EHD4: variants seen among roughly 807,000 people sequenced by gnomAD.
The protein encoded by EHD4 is EH domain containing 4, also known as EH domain-containing protein 4.
In EHD4, 37 loss-of-function variants were observed where a neutral mutation model predicts 51.0. The ratio of observed to expected loss-of-function variants is 0.73; its 90% CI spans 0.56 to 0.95. The LOEUF is 0.95. Among genes scored for constraint, EHD4 ranks in the 40% least tolerant of loss-of-function variants. The pLI is 0.00. For missense variants in EHD4, 632 were observed against 733.1 expected, an observed-to-expected ratio of 0.86 and a Z score of 1.59; for synonymous variants, 297 against 317.3, an observed-to-expected ratio of 0.94 and a Z score of 0.68.
At chr15:41,969,906 A>G (rs1267824338) in intron 1 of EHD4, among the ~76,000 whole-genome samples, 1 of 152,200 alleles carries the variant, frequency 6.6e-6, no homozygotes, top group African/African-American at 2.4e-5. Flanking sequence ...CCAGGGAGAT[A>G]AGAATCTATG....
intron 1 of EHD4, among the ~76,000 whole-genome samples, chr15:41,963,988 G>C (rs998420339): frequency 6.6e-6 from 1 of 151,466 alleles, no homozygotes; most frequent in African/African-American, 2.4e-5. Context: ...TTCTAAAAAT[G>C]CAAAAAATTA....
intron 2 of EHD4, among the ~76,000 whole-genome samples, chr15:41,944,722 C>T (rs1267282186): frequency 6.6e-6 from 1 of 152,160 alleles, no homozygotes; most frequent in Non-Finnish European, 1.5e-5. Context: ...ATTCTGAGGC[C>T]ATGCTGCTAA....
intron 3 of EHD4, among the ~76,000 whole-genome samples, chr15:41,923,806 C>T (rs374289774): frequency 2.4e-3 from 368 of 152,294 alleles, no homozygotes; most frequent in East Asian, 4.4e-3. Flanking sequence ...CATCACAGGT[C>T]GAGGAAACAG....
rs1006037670 is a variant in EHD4, at chr15:41,898,152, T to C, written c.*2493A>G. The C allele has an allele frequency of 3.3e-5, 5 of 152,196 alleles. No individual in the cohort carries two copies. The highest frequency in any genetic ancestry group is 1.2e-4 in the African/African-American group (5 of 41,442). The allele number at this position is 152,196 out of a possible 1,614,324, so 9.4% of individuals were successfully genotyped here. ...GTGGCCAAATGATTTCCTTTTTTTTTCCTTTCTCTCCAAGAACATTACCAG... is the reference window on the plus strand; with the variant it reads ...GTGGCCAAATGATTTCCTTTTTTTTCCCTTTCTCTCCAAGAACATTACCAG... On this transcript the variant is annotated 3_prime_UTR_variant, in exon 6 of 6. Coordinates refer to ENST00000220325, the MANE Select transcript of EHD4 (RefSeq NM_139265.4).
intron 1 of EHD4, among the ~76,000 whole-genome samples, chr15:41,964,050 C>A (rs574652375): frequency 1.8e-4 from 26 of 144,154 alleles, no homozygotes; most frequent in African/African-American, 6.0e-4. Flanking sequence ...GAGGCTGAGG[C>A]AGGAGAATGG....
chr15:41,909,709 T>C lies in EHD4; in HGVS notation c.1079A>G (p.Lys360Arg). Residue 360 changes from lysine to arginine, a missense_variant, in exon 5 of 6, where the codon AAG (lysine) becomes AGG (arginine). Physicochemically the swap from Lys to Arg is conservative, Grantham distance 26. Coordinates refer to ENST00000220325, the MANE Select transcript of EHD4 (RefSeq NM_139265.4). ...GTGGGCTCCCAGTACCTGCATAGCCTTGACCTCAGGGAAGTCCCCTGCAGA... is the reference window on the plus strand; with the variant it reads ...GTGGGCTCCCAGTACCTGCATAGCCCTGACCTCAGGGAAGTCCCCTGCAGA... ...QISAGDFPEV[K>R]AMQEQLENYD... 6.2e-7 allele frequency: 1 copy of C among 1,614,210 alleles called. No homozygotes were observed. The highest frequency in any genetic ancestry group is 8.5e-7 in the Non-Finnish European group (1 of 1,180,034).
At chr15:41,902,462 A>C (rs2067483721) in intron 5 of EHD4, among the ~76,000 whole-genome samples, 1 of 152,210 alleles carries the variant, frequency 6.6e-6, no homozygotes, top group Non-Finnish European at 1.5e-5. Flanking sequence ...ATACAGAATA[A>C]ATATGAAAAG....
chr15:41,969,637 G>A (rs984613593), intron 1 of EHD4, among the ~76,000 whole-genome samples: 1 of 152,202 alleles, frequency 6.6e-6, no homozygotes, highest in African/African-American at 2.4e-5. Flanking sequence ...TGGGGCCAGG[G>A]ATTTTCTGGA....
chr15:41,933,406 T>G (rs2067711536), intron 3 of EHD4, among the ~76,000 whole-genome samples: 1 of 152,168 alleles, frequency 6.6e-6, no homozygotes, highest in African/African-American at 2.4e-5. Context: ...ATCATTCAGA[T>G]TCTCGTAAGA....
At chr15:41,971,780 AG>A (rs2067997546) in intron 1 of EHD4, among the ~76,000 whole-genome samples, 1 of 152,186 alleles carries the variant, frequency 6.6e-6, no homozygotes, top group African/African-American at 2.4e-5. Flanking sequence ...CCTCAAGGGA[AG>A]GGGGCCTGGG....
At position 41,972,514 on chromosome 15, in the gene EHD4, C is replaced by G; in HGVS notation, c.-20G>C. ...GAACATCCTGCCGCCAGTCCACGCT[C>G]GGATGGGACCCTGCTCCGGGTTCGA... On this transcript the variant is annotated 5_prime_UTR_variant, in exon 1 of 6. Coordinates refer to ENST00000220325, the MANE Select transcript of EHD4 (RefSeq NM_139265.4). The G allele has an allele frequency of 6.7e-7, 1 of 1,486,852 alleles. No individual in the cohort carries two copies. 92.1% of individuals were successfully genotyped at this position (1,486,852 alleles called of 1,614,324 possible).
At chr15:41,914,515 C>T (rs1173247816) in intron 4 of EHD4, among the ~76,000 whole-genome samples, 4 of 152,106 alleles carry the variant, frequency 2.6e-5, no homozygotes, top group Non-Finnish European at 5.9e-5. Context: ...ACCAATGGCA[C>T]GTGTAATTCC....
rs1001751932 is a variant in EHD4, at chr15:41,898,654, A to G, written c.*1991T>C. ...GGAGATCGAGACCATATTGACCAACATGGTAAAACCCCATCTCTACTAAAA... is the reference window on the plus strand; with the variant it reads ...GGAGATCGAGACCATATTGACCAACGTGGTAAAACCCCATCTCTACTAAAA... On this transcript the variant is annotated 3_prime_UTR_variant, in exon 6 of 6. Coordinates refer to ENST00000220325, the MANE Select transcript of EHD4 (RefSeq NM_139265.4). 3.3e-5 allele frequency: 5 copies of G among 152,148 alleles called. No individual in the cohort carries two copies. Among genetic ancestry groups the G allele is most frequent in the South Asian group, 2.1e-4 (1 of 4,832 alleles). 9.4% of individuals were successfully genotyped at this position (152,148 alleles called of 1,614,324 possible).
At chr15:41,940,355 T>C (rs943789817) in intron 3 of EHD4, among the ~76,000 whole-genome samples, 11 of 152,240 alleles carry the variant, frequency 7.2e-5, no homozygotes, top group African/African-American at 1.4e-4. Flanking sequence ...TGTGGTCTTA[T>C]GAAGCTGGTC....
chr15:41,902,347 C>T (rs746266261), intron 5 of EHD4, among the ~76,000 whole-genome samples: 2 of 152,128 alleles, frequency 1.3e-5, no homozygotes, highest in Non-Finnish European at 2.9e-5. Flanking sequence ...ATTCAACCAA[C>T]CCTCCATCCA....
intron 1 of EHD4, among the ~76,000 whole-genome samples, chr15:41,971,268 G>T (rs946014129): frequency 1.3e-5 from 2 of 152,204 alleles, no homozygotes; most frequent in African/African-American, 4.8e-5. Flanking sequence ...CACATCAAAT[G>T]ATGAAGAGAT....
intron 3 of EHD4, among the ~76,000 whole-genome samples, chr15:41,929,679 C>T (rs1389049595): frequency 6.6e-6 from 1 of 152,202 alleles, no homozygotes; most frequent in East Asian, 1.9e-4. Flanking sequence ...GTCCTGGAGC[C>T]TGGCTTAACA....
rs2067605766 is a variant in EHD4 at position 41,919,201 on chromosome 15, C to T, written c.924+9G>A. ...CCCTGGCCTCTGTGCAAGGCATCTC[C>T]TGGCTTACCTTGGCCAGCCTCGCTC... On this transcript the variant is annotated intron_variant, in intron 4 of 5. Transcript: ENST00000220325. The T allele has an allele frequency of 6.2e-7, 1 of 1,613,334 alleles. No individual in the cohort carries two copies. The highest frequency in any genetic ancestry group is 1.3e-5 in the African/African-American group (1 of 74,942).
chr15:41,922,525 C>G (rs907168054), intron 3 of EHD4, among the ~76,000 whole-genome samples: 1 of 152,256 alleles, frequency 6.6e-6, no homozygotes, highest in Non-Finnish European at 1.5e-5. Context: ...GCTGCTGCTG[C>G]TAGCTGCGCT....
Sources: allele counts gnomAD v4.1 joint callset (sites outside exome capture counted in the v4.1 genomes callset), GRCh38; gene constraint gnomAD v4.1.1; transcripts MANE v1.5; gene names NCBI Gene and HGNC (gene_info 2026-07-23, HGNC 2026-07-21).